Variants in GFRA1 observed in about 807,000 individuals in gnomAD.
GFRA1 encodes GDNF family receptor alpha-1.
In GFRA1, 16 loss-of-function variants were observed where a neutral mutation model predicts 51.6. The observed-to-expected ratio is 0.31, with a 90% CI of 0.21 to 0.47. The LOEUF (loss-of-function observed/expected upper bound fraction) is 0.47. GFRA1 is among the 20% of genes least tolerant of loss of function. GFRA1 has a pLI of 1.00. For missense variants in GFRA1, 530 were observed against 594.3 expected, an observed-to-expected ratio of 0.89 and a Z score of 1.13; for synonymous variants, 270 against 241.3, an observed-to-expected ratio of 1.12 and a Z score of -1.10.
chr10:116,146,315 T>C (rs1958799523), intron 5 of GFRA1, among the ~76,000 whole-genome samples: 2 of 152,240 alleles, frequency 1.3e-5, no homozygotes, highest in South Asian at 4.1e-4. Flanking sequence ...GTGTTTATAA[T>C]TGTATATGCT....
At chr10:116,110,387 T>C (rs2133964201) in intron 6 of GFRA1, among the ~76,000 whole-genome samples, 1 of 152,218 alleles carries the variant, frequency 6.6e-6, no homozygotes, top group South Asian at 2.1e-4. Context: ...GAAACACGCC[T>C]GCAGGGCAGC....
At chr10:116,141,737 C>A (rs1958578269) in intron 5 of GFRA1, among the ~76,000 whole-genome samples, 1 of 152,118 alleles carries the variant, frequency 6.6e-6, no homozygotes, top group Non-Finnish European at 1.5e-5. Flanking sequence ...GCACCTGCCA[C>A]CATGCCTGGC....
intron 5 of GFRA1, among the ~76,000 whole-genome samples, chr10:116,166,777 C>CTTTT (rs1960461104): frequency 9.8e-6 from 1 of 102,336 alleles, no homozygotes; most frequent in Non-Finnish European, 1.8e-5. Flanking sequence ...TAGCAACAAT[C>CTTTT]TTCTTTTTTT....
chr10:116,122,526 C>G (rs1393942034), intron 6 of GFRA1, among the ~76,000 whole-genome samples: 1 of 152,134 alleles, frequency 6.6e-6, no homozygotes, highest in Non-Finnish European at 1.5e-5. Flanking sequence ...CCCCCAGAGC[C>G]CTCTAAGTTC....
chr10:116,067,457 T>C (rs17094038), intron 9 of GFRA1, among the ~76,000 whole-genome samples: 3,394 of 152,302 alleles, frequency 0.022, 121 homozygotes, highest in African/African-American at 0.076. Flanking sequence ...GTTCTTCCTA[T>C]GCTCGTGGTC....
rs1291681784 is a variant in GFRA1 at position 116,060,001 on chromosome 10, G to A, written c.*4397C>T. On this transcript the variant is annotated 3_prime_UTR_variant, in exon 11 of 11. Coordinates refer to ENST00000355422, the MANE Select transcript of GFRA1 (RefSeq NM_005264.8). ...AGGCAATAAAGAACAAGGTGGTGGAGGGAGGCCTGAATAATAACGATGAAA... is the reference window on the plus strand; with the variant it reads ...AGGCAATAAAGAACAAGGTGGTGGAAGGAGGCCTGAATAATAACGATGAAA... The A allele has an allele frequency of 1.3e-5, 2 of 152,172 alleles. No individual in the cohort carries two copies. Among genetic ancestry groups the A allele is most frequent in the Non-Finnish European group, 2.9e-5 (2 of 68,032 alleles). The allele number at this position is 152,172 out of a possible 1,614,324, so 9.4% of individuals were successfully genotyped here. A position where few individuals can be genotyped will look rare whatever the true frequency, so the allele number is the denominator to read the frequency against.
intron 5 of GFRA1, among the ~76,000 whole-genome samples, chr10:116,131,517 G>C (rs1958101362): frequency 6.6e-6 from 1 of 152,084 alleles, no homozygotes; most frequent in Non-Finnish European, 1.5e-5. Flanking sequence ...TCCATCAATA[G>C]GAAAATGGCT....
rs1437264224 is a variant in GFRA1, at chr10:116,159,221, C to T, written c.434-33664G>A. ...AGACCACTTTAGTTACCTTCTGACC[C>T]TACCTCTCTGAGGAGGGCAGTGTCA... On this transcript the variant is annotated intron_variant, in intron 5 of 10. Transcript: ENST00000355422. Among the ~76,000 whole-genome samples the T allele has an allele frequency of 2.0e-5, 3 of 152,250 alleles. No homozygotes were observed. In the East Asian group the frequency reaches 5.8e-4, roughly 29 times the overall value.
At chr10:116,099,375 T>G (rs1413759241) in intron 6 of GFRA1, among the ~76,000 whole-genome samples, 1 of 152,200 alleles carries the variant, frequency 6.6e-6, no homozygotes, top group East Asian at 1.9e-4. Flanking sequence ...ACCAGTATGA[T>G]GTTAGTAAAT....
At chr10:116,137,794 G>A (rs529858040) in intron 5 of GFRA1, among the ~76,000 whole-genome samples, 114 of 152,034 alleles carry the variant, frequency 7.5e-4, no homozygotes, top group Non-Finnish European at 1.3e-3. Flanking sequence ...GTGAATTCTG[G>A]GCTCTGTGTA....
intron 7 of GFRA1, among the ~76,000 whole-genome samples, chr10:116,096,069 T>C (rs570558200): frequency 2.6e-5 from 4 of 152,124 alleles, no homozygotes; most frequent in Non-Finnish European, 4.4e-5. Flanking sequence ...TCTAAAGCCT[T>C]GGGTCTTGAA....
At chr10:116,268,267 C>T (rs537039915) in intron 4 of GFRA1, among the ~76,000 whole-genome samples, 27 of 152,318 alleles carry the variant, frequency 1.8e-4, no homozygotes, top group African/African-American at 5.8e-4. Flanking sequence ...GTTTCCCTAA[C>T]TTCACTATGC....
intron 4 of GFRA1, among the ~76,000 whole-genome samples, chr10:116,265,699 TGCCTCTGA>T (rs1454610122): frequency 1.3e-5 from 2 of 152,202 alleles, no homozygotes; most frequent in Non-Finnish European, 2.9e-5. Flanking sequence ...CGGTGGCTTC[TGCCTCTGA>T]GCCTCTGAGC....
At chr10:116,130,612 G>A (rs959026446) in intron 5 of GFRA1, among the ~76,000 whole-genome samples, 1 of 152,078 alleles carries the variant, frequency 6.6e-6, no homozygotes, top group African/African-American at 2.4e-5. Context: ...CACATCTACA[G>A]TCACTTGATT....
intron 5 of GFRA1, among the ~76,000 whole-genome samples, chr10:116,132,470 T>C (rs996019389): frequency 3.3e-5 from 5 of 152,088 alleles, no homozygotes; most frequent in Admixed American, 1.3e-4. Context: ...TAATAAAATA[T>C]TGGAAAAAAT....
chr10:116,142,511 C>T (rs1958614101), intron 5 of GFRA1, among the ~76,000 whole-genome samples: 1 of 152,182 alleles, frequency 6.6e-6, no homozygotes, highest in Non-Finnish European at 1.5e-5. Context: ...TTCAGCGTTT[C>T]GGTTAGCCAG....
At position 116,089,801 on chromosome 10, in the gene GFRA1, C is replaced by A. The variant is rs1406187980; in HGVS notation, c.1137G>T (p.Gly379=). ...GAATTTCATTCTCAGACCCTGCTGG[C>A]CCCAGGGGCTTGTTCTTAACCCGGA... ...TALRVKNKPL[G]PAGSENEIPT... Residue 379 remains glycine, a synonymous_variant, in exon 9 of 11, where the codon GGG becomes GGT. Transcript: ENST00000355422. The A allele has an allele frequency of 1.2e-6, 2 of 1,614,068 alleles. No homozygotes were observed. The highest frequency in any genetic ancestry group is 3.3e-5 in the Admixed American group (2 of 60,010).
chr10:116,131,904 GAA>G (rs71010066), intron 5 of GFRA1, among the ~76,000 whole-genome samples: 327 of 100,142 alleles, frequency 3.3e-3, no homozygotes, highest in Middle Eastern at 0.023. Flanking sequence ...ATCTCAAAAG[GAA>G]AAAAAAAAAA....
chr10:116,238,192 C>G (rs902531351), intron 4 of GFRA1, among the ~76,000 whole-genome samples: 1 of 152,148 alleles, frequency 6.6e-6, no homozygotes, highest in Non-Finnish European at 1.5e-5. Flanking sequence ...CTCTTTTGTG[C>G]GCAGCTGCCG....
Sources: allele counts gnomAD v4.1 joint callset (sites outside exome capture counted in the v4.1 genomes callset), GRCh38; gene constraint gnomAD v4.1.1; transcripts MANE v1.5; gene names NCBI Gene and HGNC (gene_info 2026-07-23, HGNC 2026-07-21).